TMPRSS11D: variants seen among roughly 807,000 people sequenced by gnomAD.
TMPRSS11D encodes transmembrane serine protease 11D.
Under a neutral mutation model 44.4 loss-of-function variants are expected in TMPRSS11D, and 32 were observed. The observed-to-expected ratio is 0.72, with a 90% CI of 0.54 to 0.97. The LOEUF (loss-of-function observed/expected upper bound fraction) is 0.97, where lower values mean the gene tolerates loss of function less well. Ranked by LOEUF, TMPRSS11D falls within the 50% of genes least tolerant of loss-of-function variation. TMPRSS11D has a pLI of 0.00. For missense variants in TMPRSS11D, 446 were observed against 502.6 expected, an observed-to-expected ratio of 0.89 and a Z score of 1.08; for synonymous variants, 179 against 177.9, an observed-to-expected ratio of 1.01 and a Z score of -0.05.
At chr4:67,859,530 G>T (rs760850661) in intron 2 of TMPRSS11D, 27 bp downstream of exon 2, 3 of 1,605,626 alleles carry the variant, frequency 1.9e-6, no homozygotes, top group Non-Finnish European at 2.6e-6. Flanking sequence ...TATTAAATCT[G>T]AAGAGTAATA....
intron 2 of TMPRSS11D, among the ~76,000 whole-genome samples, chr4:67,859,314 ATGTT>A (rs961976349): frequency 6.6e-6 from 1 of 152,052 alleles, no homozygotes; most frequent in Non-Finnish European, 1.5e-5. Flanking sequence ...TTGAGTAACA[ATGTT>A]TGGTATACTC....
rs1211647044 is a variant in TMPRSS11D at position 67,883,956 on chromosome 4, C to CT, written c.-24dup. The CT allele has an allele frequency of 1.9e-6, 3 of 1,599,372 alleles. No homozygotes were observed. Among genetic ancestry groups the CT allele is most frequent in the Non-Finnish European group, 2.6e-6 (3 of 1,173,562 alleles). On this transcript the variant is annotated 5_prime_UTR_variant, in exon 1 of 10. Coordinates refer to ENST00000283916, the MANE Select transcript of TMPRSS11D (RefSeq NM_004262.3). ...CATTTTAATCCTTAATGAAGAGGTT[C>CT]TTTTTTCTGCCTACTCAACTGCTTT...
intron 4 of TMPRSS11D, 95 bp downstream of exon 4, chr4:67,842,463 A>C: frequency 8.8e-7 from 1 of 1,131,046 alleles, no homozygotes; most frequent in Non-Finnish European, 1.3e-6. Flanking sequence ...ACAACAACTT[A>C]TCTGAACATG....
rs149388508 is a variant in TMPRSS11D at position 67,856,375 on chromosome 4, T to A, written c.131-2189A>T. 3.0e-3 allele frequency among the ~76,000 whole-genome samples: 452 copies of A among 152,042 alleles called. 2 individuals are homozygous for A. Among genetic ancestry groups the A allele is most frequent in the Middle Eastern group, 6.8e-3 (2 of 294 alleles). ...CAACAAAAGTGTTAAGAACAAACAA[T>A]GGGGAAAGCACACTCTTTTCAATAA... On this transcript the variant is annotated intron_variant, in intron 2 of 9. Coordinates refer to ENST00000283916, the MANE Select transcript of TMPRSS11D (RefSeq NM_004262.3).
chr4:67,864,150 G>A (rs1344041217), intron 1 of TMPRSS11D, among the ~76,000 whole-genome samples: 2 of 151,730 alleles, frequency 1.3e-5, no homozygotes, highest in East Asian at 1.9e-4. Context: ...AGAAAAAAGC[G>A]CATTTCTTTA....
chr4:67,829,586 G>T (rs1717894842), intron 7 of TMPRSS11D, among the ~76,000 whole-genome samples: 1 of 151,932 alleles, frequency 6.6e-6, no homozygotes, highest in Admixed American at 6.6e-5. Context: ...AAGTTTACCA[G>T]ATGGATGAGG....
Position 67,857,594 on chromosome 4 carries a change from C to T in TMPRSS11D, c.130+1963G>A, listed in dbSNP as rs550681428. Reference sequence around the variant, plus strand: ...GCAACAAAGTGAGACCCCATCTCTACTACTAAAAAAAGAGTAAAGAAGAAA... The same window carrying T: ...GCAACAAAGTGAGACCCCATCTCTATTACTAAAAAAAGAGTAAAGAAGAAA... On this transcript the variant is annotated intron_variant, in intron 2 of 9. Transcript: ENST00000283916. Among the ~76,000 whole-genome samples the T allele has an allele frequency of 2.7e-3, 414 of 151,606 alleles. 2 individuals are homozygous for T. Among genetic ancestry groups the T allele is most frequent in the African/African-American group, 9.6e-3 (395 of 41,270 alleles).
chr4:67,876,349 T>C (rs1352922020), intron 1 of TMPRSS11D, among the ~76,000 whole-genome samples: 1 of 152,134 alleles, frequency 6.6e-6, no homozygotes, highest in Non-Finnish European at 1.5e-5. Context: ...CAATAAATTG[T>C]AAATTTGGTA....
chr4:67,822,171 C>T lies in TMPRSS11D; in HGVS notation c.*166G>A, dbSNP rs1717658320. 1.3e-6 allele frequency: 1 copy of T among 778,770 alleles called. No homozygotes were observed. The allele number at this position is 778,770 out of a possible 1,614,324, so 48.2% of individuals were successfully genotyped here. ...TAGTTCTCTGGAGAAAATAGAAAAC[C>T]TTTAATAATAAAGAAAGGTTAAACA... is the stretch of plus-strand genomic sequence containing the variant. On this transcript the variant is annotated 3_prime_UTR_variant, in exon 10 of 10. Coordinates refer to ENST00000283916, the MANE Select transcript of TMPRSS11D (RefSeq NM_004262.3).
chr4:67,852,124 AGGT>A (rs1176692911), intron 3 of TMPRSS11D, among the ~76,000 whole-genome samples: 3 of 152,122 alleles, frequency 2.0e-5, no homozygotes, highest in Admixed American at 1.3e-4. Context: ...CTCTTCCTGA[AGGT>A]GTTGGTTGAG....
At chr4:67,874,604 G>A (rs537903801) in intron 1 of TMPRSS11D, among the ~76,000 whole-genome samples, 1 of 151,968 alleles carries the variant, frequency 6.6e-6, no homozygotes, top group Non-Finnish European at 1.5e-5. Flanking sequence ...TGAGAAGGGA[G>A]GCACTGTGAA....
At chr4:67,852,148 A>AGTTGGTT (rs1287929732) in intron 3 of TMPRSS11D, among the ~76,000 whole-genome samples, 1 of 152,196 alleles carries the variant, frequency 6.6e-6, no homozygotes, top group Non-Finnish European at 1.5e-5. Context: ...AGCACCCCAG[A>AGTTGGTT]GACACTCCCT....
At chr4:67,865,282 C>T (rs1229217009) in intron 1 of TMPRSS11D, among the ~76,000 whole-genome samples, 5 of 149,922 alleles carry the variant, frequency 3.3e-5, no homozygotes, top group African/African-American at 7.3e-5. Flanking sequence ...GGGTCAATAA[C>T]AAAATAAAGA....
At chr4:67,863,710 C>A (rs1162127547) in intron 1 of TMPRSS11D, among the ~76,000 whole-genome samples, 1 of 130,792 alleles carries the variant, frequency 7.6e-6, no homozygotes, top group East Asian at 2.2e-4. Flanking sequence ...TTAATCGTAA[C>A]TATTTTAAGC....
chr4:67,848,123 T>A (rs1718400696), intron 3 of TMPRSS11D, among the ~76,000 whole-genome samples: 2 of 152,230 alleles, frequency 1.3e-5, no homozygotes, highest in African/African-American at 4.8e-5. Context: ...TCCCATGTTC[T>A]AGTTTGTTTA....
chr4:67,852,440 T>C (rs1408641953), intron 3 of TMPRSS11D, among the ~76,000 whole-genome samples: 1 of 152,118 alleles, frequency 6.6e-6, no homozygotes, highest in Non-Finnish European at 1.5e-5. Context: ...GCCCAAGAAT[T>C]TGCATTTCTA....
intron 1 of TMPRSS11D, among the ~76,000 whole-genome samples, chr4:67,863,328 CAAAAAA>C (rs561420216): frequency 1.1e-5 from 1 of 89,198 alleles, no homozygotes. Context: ...TGGTCTTGCT[CAAAAAA>C]AAAAAAAAAA....
At chr4:67,826,184 G>A (rs1444023211) in intron 8 of TMPRSS11D, among the ~76,000 whole-genome samples, 1 of 151,746 alleles carries the variant, frequency 6.6e-6, no homozygotes, top group African/African-American at 2.4e-5. Flanking sequence ...GACAGATTTT[G>A]GATTGGAAGA....
chr4:67,825,537 T>C (rs1717769922), intron 9 of TMPRSS11D, among the ~76,000 whole-genome samples, 195 bp downstream of exon 9: 1 of 152,132 alleles, frequency 6.6e-6, no homozygotes, highest in African/African-American at 2.4e-5. Flanking sequence ...TAATTTGGCC[T>C]CTCAGAGTTA....
Sources: allele counts gnomAD v4.1 joint callset (sites outside exome capture counted in the v4.1 genomes callset), GRCh38; gene constraint gnomAD v4.1.1; transcripts MANE v1.5; gene names NCBI Gene and HGNC (gene_info 2026-07-23, HGNC 2026-07-21).